The following LHFPL3 variants were observed in gnomAD, a reference collection of about 807,000 sequenced individuals.
The protein encoded by LHFPL3 is LHFPL tetraspan subfamily member 3.
Under a neutral mutation model 19.3 loss-of-function variants are expected in LHFPL3, and 5 were observed. The observed-to-expected ratio is 0.26, with a 90% CI of 0.14 to 0.54. The LOEUF (loss-of-function observed/expected upper bound fraction) is 0.54. LHFPL3 is among the 20% of genes least tolerant of loss of function. The pLI is 0.94. For missense variants in LHFPL3, 249 were observed against 307.4 expected, an observed-to-expected ratio of 0.81 and a Z score of 1.42; for synonymous variants, 133 against 126.2, an observed-to-expected ratio of 1.05 and a Z score of -0.36.
chr7:104,687,072 G>T (rs1392237406), intron 1 of LHFPL3, among the ~76,000 whole-genome samples: 1 of 152,188 alleles, frequency 6.6e-6, no homozygotes, highest in African/African-American at 2.4e-5. Flanking sequence ...TGAGATTTGG[G>T]TGGGGACACA....
intron 2 of LHFPL3, among the ~76,000 whole-genome samples, chr7:104,861,461 T>A (rs974425770): frequency 6.6e-6 from 1 of 152,082 alleles, no homozygotes; most frequent in African/African-American, 2.4e-5. Flanking sequence ...TTTAGGATAG[T>A]TGGGAGAAGC....
intron 1 of LHFPL3, among the ~76,000 whole-genome samples, chr7:104,562,267 C>T (rs1408574329): frequency 6.6e-6 from 1 of 151,730 alleles, no homozygotes; most frequent in African/African-American, 2.4e-5. Context: ...GGATAATATC[C>T]TGCAGAGTGT....
At chr7:104,697,868 G>T (rs569748333) in intron 1 of LHFPL3, among the ~76,000 whole-genome samples, 2 of 152,252 alleles carry the variant, frequency 1.3e-5, no homozygotes, top group East Asian at 3.9e-4. Context: ...GGATCTGGGG[G>T]GATGGTAAGT....
At chr7:104,755,012 G>T (rs4320485) in intron 2 of LHFPL3, among the ~76,000 whole-genome samples, 82,773 of 151,912 alleles carry the variant, frequency 0.54, 23,585 homozygotes, top group East Asian at 0.89. Flanking sequence ...GAAGGAAGTG[G>T]GTCCATTGAC....
chr7:104,456,891 ATTGT>A (rs1218805210), intron 1 of LHFPL3, among the ~76,000 whole-genome samples: 2 of 152,132 alleles, frequency 1.3e-5, no homozygotes, highest in African/African-American at 2.4e-5. Context: ...AAACTTATGA[ATTGT>A]TTATTTCTGG....
chr7:104,383,813 T>C (rs80044912), intron 1 of LHFPL3, among the ~76,000 whole-genome samples: 216 of 152,314 alleles, frequency 1.4e-3, no homozygotes, highest in African/African-American at 5.0e-3. Context: ...GTGAAGAAGG[T>C]CTTATGAATT....
At chr7:104,424,999 AAAAAAAG>A (rs1791813638) in intron 1 of LHFPL3, among the ~76,000 whole-genome samples, 1 of 150,796 alleles carries the variant, frequency 6.6e-6, no homozygotes, top group Non-Finnish European at 1.5e-5. Context: ...AAAAAAAAAA[AAAAAAAG>A]AAGTATCTGA....
chr7:104,350,404 T>C (rs1278445691), intron 1 of LHFPL3, among the ~76,000 whole-genome samples: 3 of 152,220 alleles, frequency 2.0e-5, no homozygotes, highest in Non-Finnish European at 2.9e-5. Flanking sequence ...TTGTAACTAC[T>C]GTGCTCAACT....
intron 1 of LHFPL3, among the ~76,000 whole-genome samples, chr7:104,576,089 G>A (rs1045525843): frequency 1.3e-5 from 2 of 152,020 alleles, no homozygotes; most frequent in African/African-American, 2.4e-5. Context: ...AGAATAATAA[G>A]AAGAGTACAA....
At chr7:104,813,369 C>T (rs1412816308) in intron 2 of LHFPL3, among the ~76,000 whole-genome samples, 1 of 152,154 alleles carries the variant, frequency 6.6e-6, no homozygotes, top group African/African-American at 2.4e-5. Context: ...AGCTGGTAAC[C>T]TCAAAAAGAA....
chr7:104,346,424 G>A (rs1018278532), intron 1 of LHFPL3, among the ~76,000 whole-genome samples: 4 of 147,828 alleles, frequency 2.7e-5, no homozygotes, highest in Admixed American at 6.8e-5. Flanking sequence ...TTGCTTAACT[G>A]TGTGGCCACA....
At chr7:104,421,206 G>T (rs1296968669) in intron 1 of LHFPL3, among the ~76,000 whole-genome samples, 2 of 152,100 alleles carry the variant, frequency 1.3e-5, no homozygotes, top group Non-Finnish European at 2.9e-5. Context: ...TATCAAAAAA[G>T]GAAAAATGCT....
intron 1 of LHFPL3, among the ~76,000 whole-genome samples, chr7:104,497,309 G>GAAAA (rs34908934): frequency 2.4e-4 from 23 of 96,692 alleles, no homozygotes; most frequent in East Asian, 9.6e-4. Context: ...TTGAGAAAAG[G>GAAAA]AAAAAAAAAA....
chr7:104,550,903 A>G (rs1794650702), intron 1 of LHFPL3, among the ~76,000 whole-genome samples: 2 of 152,174 alleles, frequency 1.3e-5, no homozygotes, highest in African/African-American at 4.8e-5. Flanking sequence ...CACTTCATAA[A>G]GAATGAAATC....
chr7:104,761,424 C>G (rs1478453439), intron 2 of LHFPL3, among the ~76,000 whole-genome samples: 1 of 151,862 alleles, frequency 6.6e-6, no homozygotes, highest in Admixed American at 6.6e-5. Context: ...ATGTTTTGAG[C>G]AAAAACAATA....
chr7:104,566,502 G>T (rs1790128473), intron 1 of LHFPL3, among the ~76,000 whole-genome samples: 1 of 152,088 alleles, frequency 6.6e-6, no homozygotes, highest in African/African-American at 2.4e-5. Context: ...GGCATCCAGG[G>T]CTTTTTTAAT....
At chr7:104,441,759 A>G (rs574205448) in intron 1 of LHFPL3, among the ~76,000 whole-genome samples, 1 of 152,122 alleles carries the variant, frequency 6.6e-6, no homozygotes, top group Non-Finnish European at 1.5e-5. Flanking sequence ...TATTTTTAGT[A>G]GAGTTGGGGT....
At chr7:104,574,109 A>T (rs1167606772) in intron 1 of LHFPL3, among the ~76,000 whole-genome samples, 3 of 152,208 alleles carry the variant, frequency 2.0e-5, no homozygotes. Context: ...AAGCCTGACA[A>T]AATTAACAAA....
intron 1 of LHFPL3, among the ~76,000 whole-genome samples, chr7:104,714,048 A>G (rs1793342422): frequency 6.6e-6 from 1 of 152,136 alleles, no homozygotes; most frequent in East Asian, 1.9e-4. Context: ...CTGATCACGC[A>G]TTGTTCTTCT....
Sources: allele counts gnomAD v4.1 joint callset (sites outside exome capture counted in the v4.1 genomes callset), GRCh38; gene constraint gnomAD v4.1.1; transcripts MANE v1.5; gene names NCBI Gene and HGNC (gene_info 2026-07-23, HGNC 2026-07-21).